The following FKBP5 variants were observed in gnomAD, a reference collection of about 807,000 sequenced individuals.
The protein encoded by FKBP5 is peptidyl-prolyl cis-trans isomerase FKBP5.
In FKBP5, 23 loss-of-function variants were observed where a neutral mutation model predicts 50.5. The observed-to-expected ratio is 0.46, with a 90% CI of 0.33 to 0.65. FKBP5 has a LOEUF of 0.65. Among genes scored for constraint, FKBP5 ranks in the 30% least tolerant of loss-of-function variants. FKBP5 has a pLI of 0.02. For synonymous variants in FKBP5, 176 were observed against 190.6 expected, an observed-to-expected ratio of 0.92 and a Z score of 0.63; for missense variants, 411 against 553.1, an observed-to-expected ratio of 0.74 and a Z score of 2.58.
intron 1 of FKBP5, among the ~76,000 whole-genome samples, chr6:35,725,908 AGCTC>A (rs1766700555): frequency 6.6e-6 from 1 of 152,146 alleles, no homozygotes; most frequent in Admixed American, 6.5e-5. Flanking sequence ...CTTCTCCCAC[AGCTC>A]GGGGCACCGC....
chr6:35,628,757 C>T (rs907588230), intron 3 of FKBP5, among the ~76,000 whole-genome samples: 9 of 152,146 alleles, frequency 5.9e-5, no homozygotes, highest in Non-Finnish European at 1.2e-4. Flanking sequence ...CTTGCTCTGT[C>T]GCCCAGGCTG....
intron 9 of FKBP5, among the ~76,000 whole-genome samples, 196 bp downstream of exon 9, chr6:35,579,840 T>A (rs997106784): frequency 2.0e-5 from 3 of 152,332 alleles, no homozygotes; most frequent in Admixed American, 6.5e-5. Context: ...CTAGGTATCA[T>A]AAAAGTCTGA....
intron 2 of FKBP5, among the ~76,000 whole-genome samples, chr6:35,719,806 A>G (rs1766577812): frequency 6.6e-6 from 1 of 152,062 alleles, no homozygotes; most frequent in African/African-American, 2.4e-5. Flanking sequence ...CTTGACTGCA[A>G]CTCCCATTCT....
chr6:35,721,492 AT>A (rs1408358217), intron 1 of FKBP5, among the ~76,000 whole-genome samples: 1 of 151,314 alleles, frequency 6.6e-6, no homozygotes, highest in Non-Finnish European at 1.5e-5. Flanking sequence ...TTTCCCTCTT[AT>A]TGCCCAGGCT....
chr6:35,583,709 C>A (rs980651683), intron 8 of FKBP5: 2 of 936,130 alleles, frequency 2.1e-6, no homozygotes, highest in African/African-American at 1.8e-5. Context: ...AAGACAGCCC[C>A]ACACAATCAA....
intron 5 of FKBP5, among the ~76,000 whole-genome samples, chr6:35,609,619 G>C (rs1763431176): frequency 6.6e-6 from 1 of 151,974 alleles, no homozygotes; most frequent in African/African-American, 2.4e-5. Flanking sequence ...TGTTTGATTG[G>C]ATGCATATTA....
At chr6:35,625,458 C>T (rs537704234) in intron 3 of FKBP5, among the ~76,000 whole-genome samples, 42 of 151,762 alleles carry the variant, frequency 2.8e-4, no homozygotes, top group African/African-American at 9.6e-4. Flanking sequence ...CAAGAATAGG[C>T]CGGTGCAGTG....
intron 3 of FKBP5, among the ~76,000 whole-genome samples, chr6:35,623,274 TA>T (rs1763902700): frequency 6.6e-6 from 1 of 152,150 alleles, no homozygotes; most frequent in Non-Finnish European, 1.5e-5. Flanking sequence ...AGTTATTAGA[TA>T]AAACACATCA....
At chr6:35,590,997 G>A (rs948960976) in intron 7 of FKBP5, 133 bp downstream of exon 7, 6 of 546,794 alleles carry the variant, frequency 1.1e-5, no homozygotes, top group Non-Finnish European at 2.0e-5. Context: ...CAGCAGTGTT[G>A]GAGGCAAGAG....
At chr6:35,648,488 C>G (rs1353734318) in intron 1 of FKBP5, among the ~76,000 whole-genome samples, 1 of 151,826 alleles carries the variant, frequency 6.6e-6, no homozygotes, top group African/African-American at 2.4e-5. Context: ...GTTGCCCAGG[C>G]TGGTCTTGAA....
chr6:35,580,451 T>A, intron 8 of FKBP5: 1 of 411,102 alleles, frequency 2.4e-6, no homozygotes, highest in East Asian at 3.7e-5. Context: ...TCTGCAGCAT[T>A]TCCATCCGTC....
chr6:35,691,364 C>T (rs1406304772), upstream of FKBP5, among the ~76,000 whole-genome samples: 1 of 151,926 alleles, frequency 6.6e-6, no homozygotes, highest in Non-Finnish European at 1.5e-5. Flanking sequence ...GAGGGGACAG[C>T]GTGAGCAAAA....
At chr6:35,628,566 C>A (rs1014045941) in intron 3 of FKBP5, among the ~76,000 whole-genome samples, 4 of 152,186 alleles carry the variant, frequency 2.6e-5, no homozygotes, top group Non-Finnish European at 5.9e-5. Flanking sequence ...AATTTCTGAT[C>A]TCTATTTTAA....
intron 1 of FKBP5, among the ~76,000 whole-genome samples, chr6:35,681,670 T>C (rs780370788): frequency 1.6e-4 from 25 of 152,218 alleles, no homozygotes; most frequent in Admixed American, 4.6e-4. Context: ...TATATACTTA[T>C]TCCTCTTGGT....
intron 2 of FKBP5, among the ~76,000 whole-genome samples, chr6:35,701,284 C>T (rs1334877677): frequency 6.1e-5 from 9 of 148,120 alleles, no homozygotes; most frequent in Non-Finnish European, 3.0e-5. Flanking sequence ...CGCTCTGTCG[C>T]CCAGGCTGGA....
At chr6:35,589,110 T>TATATATA (rs1561846500) in intron 7 of FKBP5, among the ~76,000 whole-genome samples, 9 of 102,956 alleles carry the variant, frequency 8.7e-5, no homozygotes, top group African/African-American at 3.8e-4. Flanking sequence ...ATATATATTT[T>TATATATA]TATATATATA....
intron 5 of FKBP5, among the ~76,000 whole-genome samples, chr6:35,615,033 A>T (rs1763601647): frequency 6.6e-6 from 1 of 151,870 alleles, no homozygotes; most frequent in Non-Finnish European, 1.5e-5. Flanking sequence ...CTGAGACAGG[A>T]GAACCACTTG....
intron 1 of FKBP5, among the ~76,000 whole-genome samples, chr6:35,652,647 G>A (rs1006645045): frequency 4.6e-5 from 7 of 152,176 alleles, no homozygotes; most frequent in Admixed American, 4.6e-4. Context: ...CTGATAAGAT[G>A]TTATCAATGA....
intron 2 of FKBP5, among the ~76,000 whole-genome samples, chr6:35,695,805 A>G (rs1427321026): frequency 6.6e-6 from 1 of 152,246 alleles, no homozygotes; most frequent in Non-Finnish European, 1.5e-5. Flanking sequence ...ATTTAATGAA[A>G]GAAGTGTAAA....
Sources: gnomAD v4.1 joint callset for allele counts (sites outside exome capture counted in the v4.1 genomes callset) on GRCh38, gnomAD v4.1.1 for gene constraint, MANE v1.5 for transcripts, NCBI Gene and HGNC (gene_info 2026-07-23, HGNC 2026-07-21) for gene names.